The following VAV2 variants were observed in gnomAD, a reference collection of about 807,000 sequenced individuals.
The protein encoded by VAV2 is vav guanine nucleotide exchange factor 2.
VAV2 carries 67 observed loss-of-function variants against 132.5 expected under a neutral mutation model. The observed-to-expected ratio is 0.51, with a 90% CI of 0.42 to 0.62. VAV2 has a LOEUF of 0.62. VAV2 is among the 20% of genes least tolerant of loss of function. The pLI, the probability that VAV2 is intolerant of heterozygous loss-of-function variation, is 0.00. For synonymous variants in VAV2, 492 were observed against 443.5 expected (o/e 1.11, Z -1.37); for missense variants, 938 against 1,153.6 (o/e 0.81, Z 2.71).
At chr9:133,968,655 AC>A (rs1332714489) in intron 1 of VAV2, among the ~76,000 whole-genome samples, 2 of 152,154 alleles carry the variant, frequency 1.3e-5, no homozygotes, top group Admixed American at 1.3e-4. Flanking sequence ...CTCCAGCCAC[AC>A]ACTGACCCAT....
At chr9:133,859,185 G>A (rs374856945) in intron 3 of VAV2, among the ~76,000 whole-genome samples, 1 of 152,206 alleles carries the variant, frequency 6.6e-6, no homozygotes, top group South Asian at 2.1e-4. Flanking sequence ...CAGGACAGAT[G>A]CAGGGCCAGC....
intron 24 of VAV2, 72 bp from the exon 25 acceptor site, chr9:133,775,123 G>T: frequency 7.7e-7 from 1 of 1,301,908 alleles, no homozygotes; most frequent in Non-Finnish European, 1.1e-6. Context: ...AGCCCTCCGT[G>T]CGTGGCAGGC....
At position 133,788,288 on chromosome 9, in the gene VAV2, A is replaced by C; in HGVS notation, c.1407+66T>G. 6.6e-7 allele frequency: 1 copy of C among 1,506,500 alleles called. No individual in the cohort carries two copies. Among genetic ancestry groups the C allele is most frequent in the Non-Finnish European group, 9.0e-7 (1 of 1,108,664 alleles). 93.3% of individuals were successfully genotyped at this position (1,506,500 alleles called of 1,614,324 possible). On this transcript the variant is annotated intron_variant, in intron 15 of 29. Transcript: ENST00000371850. The surrounding 1 kb of genome is among the most constrained non-coding windows in gnomAD (Gnocchi z 5.3). ...GAGTCCCCTTCCCCTGGGGTCTGGAACCCAGTGCCTCTCTCCAGGCCACCC... is the reference window on the plus strand; with the variant it reads ...GAGTCCCCTTCCCCTGGGGTCTGGACCCCAGTGCCTCTCTCCAGGCCACCC...
At chr9:133,787,177 G>A (rs372721794) in intron 16 of VAV2, 69 bp downstream of exon 16, 68 of 1,468,012 alleles carry the variant, frequency 4.6e-5, no homozygotes, top group African/African-American at 5.6e-5. Flanking sequence ...CCCTGGCTCC[G>A]GGCAGAAGTG....
At chr9:133,899,647 C>T (rs531642730) in intron 2 of VAV2, among the ~76,000 whole-genome samples, 1 of 149,720 alleles carries the variant, frequency 6.7e-6, no homozygotes, top group African/African-American at 2.4e-5. Context: ...TGACCTCAGG[C>T]GATCCACCCA....
At chr9:133,849,445 C>A in intron 3 of VAV2, among the ~76,000 whole-genome samples, 1 of 152,234 alleles carries the variant, frequency 6.6e-6, no homozygotes, top group Non-Finnish European at 1.5e-5. Flanking sequence ...CTCCACCCCA[C>A]AGGCAGGCTA....
intron 3 of VAV2, among the ~76,000 whole-genome samples, chr9:133,847,569 G>A (rs1053952922): frequency 2.0e-5 from 3 of 152,150 alleles, no homozygotes; most frequent in Admixed American, 1.3e-4. Context: ...CCTGGGCCAG[G>A]GGCTCCATGC....
intron 17 of VAV2, among the ~76,000 whole-genome samples, chr9:133,785,317 A>C (rs1172419473): frequency 6.6e-6 from 1 of 152,128 alleles, no homozygotes; most frequent in Non-Finnish European, 1.5e-5. Context: ...TCTCTGTTTC[A>C]CATATCTAGG....
At chr9:133,822,656 C>T (rs533064661) in intron 4 of VAV2, among the ~76,000 whole-genome samples, 22 of 152,266 alleles carry the variant, frequency 1.4e-4, no homozygotes, top group African/African-American at 4.8e-4. Context: ...GCCACATAGG[C>T]GGGTACCTGC....
At chr9:133,831,720 A>G (rs763719809) in intron 4 of VAV2, among the ~76,000 whole-genome samples, 1 of 152,180 alleles carries the variant, frequency 6.6e-6, no homozygotes, top group Non-Finnish European at 1.5e-5. Flanking sequence ...ATGTTTCTGG[A>G]GAGCACAGAA....
At position 133,769,342 on chromosome 9, in the gene VAV2, G is replaced by A. The variant is rs1833537939; in HGVS notation, c.2434+75C>T. 6.9e-7 allele frequency: 1 copy of A among 1,458,054 alleles called. No homozygotes were observed. 90.3% of individuals were successfully genotyped at this position (1,458,054 alleles called of 1,614,324 possible). On this transcript the variant is annotated intron_variant, in intron 28 of 29. Coordinates refer to ENST00000371850, the MANE Select transcript of VAV2 (RefSeq NM_001134398.2). The surrounding 1 kb of genome is among the most constrained non-coding windows in gnomAD (Gnocchi z 8.1). Reference sequence around the variant, plus strand: ...CGTCAGGCAGGGCTGTGGGGCCAGTGGGCAGCTCCGTGCTGGGTCTCCCAA... The same window carrying A: ...CGTCAGGCAGGGCTGTGGGGCCAGTAGGCAGCTCCGTGCTGGGTCTCCCAA...
chr9:133,767,088 A>G (rs1430030319), intron 29 of VAV2, among the ~76,000 whole-genome samples: 1 of 152,068 alleles, frequency 6.6e-6, no homozygotes, highest in Non-Finnish European at 1.5e-5. Flanking sequence ...AAAGGAGTAG[A>G]TGTGACAACT....
At chr9:133,955,115 C>T (rs952844510) in intron 1 of VAV2, among the ~76,000 whole-genome samples, 1 of 152,004 alleles carries the variant, frequency 6.6e-6, no homozygotes, top group Admixed American at 6.6e-5. Flanking sequence ...GCGGTGAGGT[C>T]GCCTCCAGGC....
At chr9:133,864,770 G>A (rs1183999146) in intron 2 of VAV2, among the ~76,000 whole-genome samples, 1 of 152,334 alleles carries the variant, frequency 6.6e-6, no homozygotes, top group East Asian at 1.9e-4. Context: ...CGGGAAGCCA[G>A]GAGCACGTCC....
intron 1 of VAV2, among the ~76,000 whole-genome samples, chr9:133,988,323 A>G (rs548004710): frequency 6.6e-6 from 1 of 152,288 alleles, no homozygotes; most frequent in East Asian, 1.9e-4. Context: ...AAAGTCCACA[A>G]GAGAGTAAGC....
At chr9:133,900,770 T>G (rs543527855) in intron 2 of VAV2, among the ~76,000 whole-genome samples, 290 of 21,572 alleles carry the variant, frequency 0.013, no homozygotes, top group African/African-American at 0.022. Context: ...TGTCTTGATT[T>G]ATTTATTTAT....
chr9:133,887,623 G>C (rs149796697), intron 2 of VAV2, among the ~76,000 whole-genome samples: 1 of 151,884 alleles, frequency 6.6e-6, no homozygotes, highest in Non-Finnish European at 1.5e-5. Flanking sequence ...GGGACACCAC[G>C]GACTCCACTT....
At chr9:133,920,113 C>T (rs878916787) in intron 2 of VAV2, among the ~76,000 whole-genome samples, 1 of 152,042 alleles carries the variant, frequency 6.6e-6, no homozygotes, top group East Asian at 1.9e-4. Flanking sequence ...AGGCCTCACT[C>T]ACTCCTGCAC....
At position 133,762,022 on chromosome 9, in the gene VAV2, A is replaced by G. The variant is rs1833277357; in HGVS notation, c.*2040T>C. ...GGGGGCCCCCAGATCCCTGACCCAC[A>G]TGCATCGGGCTCCCACATGTTCACA... On this transcript the variant is annotated 3_prime_UTR_variant, in exon 30 of 30. Coordinates refer to ENST00000371850, the MANE Select transcript of VAV2 (RefSeq NM_001134398.2). The surrounding 1 kb of genome is among the most constrained non-coding windows in gnomAD (Gnocchi z 5.0). 1 of 152,624 alleles carries G rather than the reference A, an allele frequency of 6.6e-6. No individual in the cohort carries two copies. The highest frequency in any genetic ancestry group is 2.4e-5 in the African/African-American group (1 of 41,438). The allele number at this position is 152,624 out of a possible 1,614,324, so 9.5% of individuals were successfully genotyped here. A position where few individuals can be genotyped will look rare whatever the true frequency, so the allele number is the denominator to read the frequency against.
Sources: gnomAD v4.1 joint callset for allele counts (sites outside exome capture counted in the v4.1 genomes callset) on GRCh38, gnomAD v4.1.1 for gene constraint, Gnocchi (gnomAD v3.1) non-coding constraint, MANE v1.5 for transcripts, NCBI Gene and HGNC (gene_info 2026-07-23, HGNC 2026-07-21) for gene names.